The following TMEM245 variants were observed in gnomAD, a reference collection of about 807,000 sequenced individuals.
The protein encoded by TMEM245 is protein CG-2.
Under a neutral mutation model 101.2 loss-of-function variants are expected in TMEM245, and 69 were observed. The observed-to-expected ratio is 0.68, with a 90% CI of 0.56 to 0.83. The LOEUF is 0.83. TMEM245 is among the 40% of genes least tolerant of loss of function. TMEM245 has a pLI of 0.00. For missense variants in TMEM245, 1,075 were observed against 1,092.8 expected (o/e 0.98, Z 0.23); for synonymous variants, 537 against 449.8 (o/e 1.19, Z -2.45).
intron 1 of TMEM245, among the ~76,000 whole-genome samples, chr9:109,116,381 T>C (rs1211413815): frequency 1.3e-5 from 2 of 152,170 alleles, no homozygotes; most frequent in Non-Finnish European, 2.9e-5. Context: ...CTGCACTTTC[T>C]TTCTTATTTT....
At chr9:109,074,992 GA>G (rs1319455808) in intron 8 of TMEM245, among the ~76,000 whole-genome samples, 1 of 152,164 alleles carries the variant, frequency 6.6e-6, no homozygotes, top group Non-Finnish European at 1.5e-5. Flanking sequence ...GTGGGATATG[GA>G]AAAAGAGAGG....
chr9:109,022,719 G>C (rs1185789605), intron 17 of TMEM245, among the ~76,000 whole-genome samples: 3 of 152,124 alleles, frequency 2.0e-5, no homozygotes, highest in African/African-American at 7.2e-5. Context: ...TTTTACATTT[G>C]TCTACAGGCC....
Position 109,119,609 on chromosome 9 carries a change from G to A in TMEM245, c.305C>T (p.Thr102Met). 6.4e-7 allele frequency: 1 copy of A among 1,557,608 alleles called. No homozygotes were observed. Among genetic ancestry groups the A allele is most frequent in the Admixed American group, 1.9e-5 (1 of 51,934 alleles). Residue 102 changes from threonine (T) to methionine (M), a missense_variant, in exon 1 of 18, where the codon ACG becomes ATG. This residue lies in a region of TMEM245 where 808 missense variants were observed against 741.5 expected (regional missense o/e 1.09). Transcript: ENST00000374586. ...TFLHPFKSSL[T>M]RLGRHWLQRL... ...CTGCAGCCAGTGGCGGCCCAGGCGCGTCAGCGAGCTCTTGAAGGGGTGCAG... is the reference window on the plus strand; with the variant it reads ...CTGCAGCCAGTGGCGGCCCAGGCGCATCAGCGAGCTCTTGAAGGGGTGCAG...
intron 5 of TMEM245, among the ~76,000 whole-genome samples, chr9:109,090,512 G>A (rs1177895102): frequency 6.6e-6 from 1 of 151,992 alleles, no homozygotes; most frequent in Non-Finnish European, 1.5e-5. Context: ...CACGAGGTCA[G>A]GAGATCGAGA....
intron 17 of TMEM245, among the ~76,000 whole-genome samples, chr9:109,028,257 C>G: frequency 6.6e-6 from 1 of 151,770 alleles, no homozygotes; most frequent in Admixed American, 6.6e-5. Flanking sequence ...CGAGACCAGC[C>G]TGGCCAACAT....
chr9:109,070,567 T>C (rs942772414), intron 9 of TMEM245, among the ~76,000 whole-genome samples: 5 of 152,202 alleles, frequency 3.3e-5, no homozygotes, highest in African/African-American at 1.2e-4. Flanking sequence ...CTAGAAGCTT[T>C]TAATTTGTCT....
chr9:109,078,656 T>C (rs1404567074), intron 8 of TMEM245, among the ~76,000 whole-genome samples: 1 of 152,238 alleles, frequency 6.6e-6, no homozygotes, highest in Non-Finnish European at 1.5e-5. Context: ...TTTCTCTTGC[T>C]TCCTTCCAGA....
chr9:109,114,373 T>C (rs1830652075), intron 1 of TMEM245, among the ~76,000 whole-genome samples: 1 of 152,218 alleles, frequency 6.6e-6, no homozygotes, highest in Admixed American at 6.5e-5. Flanking sequence ...CAGCAGTGAA[T>C]GGCTGACTAA....
intron 8 of TMEM245, among the ~76,000 whole-genome samples, chr9:109,076,516 AACTT>A (rs1257005158): frequency 2.0e-5 from 3 of 148,864 alleles, no homozygotes; most frequent in African/African-American, 7.5e-5. Context: ...TGTACCCTAA[AACTT>A]AAAGTATAAT....
chr9:109,087,408 T>C, intron 5 of TMEM245, 66 bp from the exon 6 acceptor site: 1 of 1,419,726 alleles, frequency 7.0e-7, no homozygotes, highest in Non-Finnish European at 9.4e-7. Flanking sequence ...CATGAAAAGG[T>C]ACCTTAATTT....
chr9:109,100,914 T>C (rs1332974077), intron 3 of TMEM245, among the ~76,000 whole-genome samples: 3 of 152,174 alleles, frequency 2.0e-5, no homozygotes, highest in East Asian at 1.9e-4. Context: ...ATGTTAGAAC[T>C]TCTCAGGTCT....
chr9:109,050,695 G>A lies in TMEM245; in HGVS notation c.1855-3C>T. On this transcript the variant is annotated splice_polypyrimidine_tract_variant and splice_region_variant and intron_variant, in intron 12 of 17. Transcript: ENST00000374586. ...ACGATCCACAGAGACTCCAAGATCT[G>A]ACGAGGAAGGAAAGCTGGATATCAG... 6.2e-7 allele frequency: 1 copy of A among 1,612,212 alleles called. No homozygotes were observed. Among genetic ancestry groups the A allele is most frequent in the African/African-American group, 1.3e-5 (1 of 74,350 alleles).
chr9:109,026,683 C>T (rs575157246), intron 17 of TMEM245, among the ~76,000 whole-genome samples: 8 of 150,504 alleles, frequency 5.3e-5, no homozygotes, highest in Non-Finnish European at 1.0e-4. Context: ...GCTGTCTGTC[C>T]CCTGCAAATC....
intron 14 of TMEM245, among the ~76,000 whole-genome samples, chr9:109,045,640 T>C (rs1406683361): frequency 6.6e-6 from 1 of 152,230 alleles, no homozygotes; most frequent in Non-Finnish European, 1.5e-5. Context: ...TCAAAACTAG[T>C]TCCATTATTA....
At chr9:109,104,442 T>A (rs1056601689) in intron 3 of TMEM245, among the ~76,000 whole-genome samples, 2 of 152,206 alleles carry the variant, frequency 1.3e-5, no homozygotes, top group Non-Finnish European at 2.9e-5. Context: ...TTTGTCTTTT[T>A]ATATTGTAAA....
intron 17 of TMEM245, among the ~76,000 whole-genome samples, chr9:109,024,718 A>T (rs1827745194): frequency 6.6e-6 from 1 of 152,218 alleles, no homozygotes; most frequent in Admixed American, 6.5e-5. Flanking sequence ...TGCAAAGATG[A>T]CACTGCCTTC....
In TMEM245 at chr9:109,050,290, C is replaced by A. The variant is rs768486283; in HGVS notation, c.2116G>T (p.Ala706Ser). Residue 706 changes from alanine (A) to serine (S), a missense_variant, in exon 14 of 18, where the codon GCT becomes TCT. By Grantham distance (99) the Ala-to-Ser change is moderately conservative. Transcript: ENST00000374586. Reference sequence around the variant, plus strand: ...CATAAACCTTATCCCTACCTGATAGCTTCTTCCACAGACTGGCCAATAATA... The same window carrying A: ...CATAAACCTTATCCCTACCTGATAGATTCTTCCACAGACTGGCCAATAATA... ...SNIIGQSVEE[A>S]IRGVFDASLK... 6.8e-6 allele frequency: 11 copies of A among 1,614,038 alleles called. No individual in the cohort carries two copies. The highest frequency in any genetic ancestry group is 5.9e-6 in the Non-Finnish European group (7 of 1,179,992).
rs780662696 is a variant in TMEM245 at position 109,050,672 on chromosome 9, G to A, written c.1875C>T (p.Ile625=). ...GCAGGCTCACATTCCGGCTCATAAC[G>A]ATCCACAGAGACTCCAAGATCTGAC... ...TFLSILESLW[I]VMSRNVSLLF... The change falls in exon 13 of 18, where the codon ATC becomes ATT. Residue 625 remains isoleucine, a synonymous_variant. Coordinates refer to ENST00000374586, the MANE Select transcript of TMEM245 (RefSeq NM_032012.4). 2.5e-6 allele frequency: 4 copies of A among 1,612,658 alleles called. No individual in the cohort carries two copies. The highest frequency in any genetic ancestry group is 1.7e-5 in the Admixed American group (1 of 59,752).
At chr9:109,059,893 G>A (rs1243284464) in intron 11 of TMEM245, among the ~76,000 whole-genome samples, 1 of 150,094 alleles carries the variant, frequency 6.7e-6, no homozygotes, top group Non-Finnish European at 1.5e-5. Flanking sequence ...ATGCATGCTA[G>A]ATTTCAAAGA....
Sources: allele counts gnomAD v4.1 joint callset (sites outside exome capture counted in the v4.1 genomes callset), GRCh38; gene constraint gnomAD v4.1.1; regional missense constraint gnomAD v4.1.1; transcripts MANE v1.5; gene names NCBI Gene and HGNC (gene_info 2026-07-23, HGNC 2026-07-21).